The following ASMT variants were observed in gnomAD, a reference collection of about 807,000 sequenced individuals.
ASMT encodes the protein acetylserotonin N-methyltransferase.
In ASMT, 53 loss-of-function variants were observed where a neutral mutation model predicts 41.3. The observed-to-expected ratio is 1.28, with a 90% CI of 1.03 to 1.61. The LOEUF (loss-of-function observed/expected upper bound fraction) is 1.61, where lower values mean the gene tolerates loss of function less well. ASMT is among the 40% of genes most tolerant of loss of function. ASMT has a pLI of 0.00. For missense variants in ASMT, 531 were observed against 441.3 expected, an observed-to-expected ratio of 1.20 and a Z score of -1.82; for synonymous variants, 231 against 184.8, an observed-to-expected ratio of 1.25 and a Z score of -2.03.
intron 8 of ASMT, among the ~76,000 whole-genome samples, chrX:1,636,913 C>CTCTG (rs1556135442): frequency 8.8e-6 from 1 of 113,020 alleles, no homozygotes; most frequent in Non-Finnish European, 2.0e-5. Context: ...GGCACAGCCT[C>CTCTG]TGTGTGTGAT....
intron 3 of ASMT, among the ~76,000 whole-genome samples, chrX:1,625,782 G>T (rs747504531): frequency 4.8e-4 from 72 of 151,276 alleles, no homozygotes; most frequent in African/African-American, 1.6e-3. Flanking sequence ...GTGAAACCCC[G>T]TCTCTATTAA....
At chrX:1,622,368 G>A (rs1401106945) in intron 1 of ASMT, among the ~76,000 whole-genome samples, 3 of 150,372 alleles carry the variant, frequency 2.0e-5, no homozygotes, top group Admixed American at 6.6e-5. Flanking sequence ...TCGGCTCACT[G>A]CAACCTCCGC....
In ASMT at chrX:1,627,775, A is replaced by G; in HGVS notation, c.443+4A>G. The G allele has an allele frequency of 6.2e-7, 1 of 1,613,556 alleles. No individual in the cohort carries two copies. The highest frequency in any genetic ancestry group is 1.1e-5 in the South Asian group (1 of 91,066). The stretch of plus-strand genomic sequence containing the variant: ...AGCTTTTTACGGCCATCTACAGGTA[A>G]CACCCATCACTTTGAAACCAACAAC... On this transcript the variant is annotated splice_donor_region_variant and intron_variant, in intron 4 of 8. Coordinates refer to ENST00000381241, the MANE Select transcript of ASMT (RefSeq NM_001171038.2).
In ASMT at chrX:1,626,418, G is replaced by C. The variant is rs779747904; in HGVS notation, c.375-1285G>C. On this transcript the variant is annotated intron_variant, in intron 3 of 8. Coordinates refer to ENST00000381241, the MANE Select transcript of ASMT (RefSeq NM_001171038.2). ...GGCTGATTGTTTGTGTTTTAGTAGA[G>C]ACGGGGTTTCACCCTGTCTTTGAGG... Among the ~76,000 whole-genome samples the C allele has an allele frequency of 2.6e-4, 39 of 152,000 alleles. 1 individual carries two copies. Among genetic ancestry groups the C allele is most frequent in the African/African-American group, 9.4e-4 (39 of 41,494 alleles).
intron 1 of ASMT, among the ~76,000 whole-genome samples, chrX:1,616,475 C>G (rs1281721036): frequency 2.6e-5 from 4 of 151,284 alleles, no homozygotes; most frequent in African/African-American, 7.3e-5. Context: ...TTAACGGAGA[C>G]AGTGTCCCTT....
rs1307291013 is a variant in ASMT at position 1,619,587 on chromosome X, T to A, written c.70-3552T>A. On this transcript the variant is annotated intron_variant, in intron 1 of 8. Transcript: ENST00000381241. ...ATAATAATAATAATAATAATAATAA[T>A]AAAAAGTCTTTGGGAGCAGAAAAAA... 4.0e-4 allele frequency among the ~76,000 whole-genome samples: 54 copies of A among 136,162 alleles called. 1 individual carries two copies. Among genetic ancestry groups the A allele is most frequent in the South Asian group, 2.7e-3 (12 of 4,448 alleles). The allele number at this position is 136,162 out of a possible 152,430, so 89.3% of individuals were successfully genotyped here. A position where few individuals can be genotyped will look rare whatever the true frequency, so the allele number is the denominator to read the frequency against.
At chrX:1,619,422 G>A (rs1201544556) in intron 1 of ASMT, among the ~76,000 whole-genome samples, 1 of 150,524 alleles carries the variant, frequency 6.6e-6, no homozygotes, top group African/African-American at 2.4e-5. Context: ...TGGGGGCTGG[G>A]GAGGGAGAGC....
chrX:1,642,708 C>A, intron 8 of ASMT, 95 bp from the exon 9 acceptor site: 1 of 1,160,174 alleles, frequency 8.6e-7, no homozygotes, highest in Non-Finnish European at 1.3e-6. Context: ...CCTGACTGTC[C>A]TCTGAGGTCT....
At chrX:1,626,687 G>A (rs1377415945) in intron 3 of ASMT, among the ~76,000 whole-genome samples, 2 of 152,168 alleles carry the variant, frequency 1.3e-5, no homozygotes, top group Non-Finnish European at 2.9e-5. Flanking sequence ...TTTGGGCAAG[G>A]AAGAAAAAGG....
In ASMT at chrX:1,643,005, C is replaced by A; in HGVS notation, c.1113C>A (p.Ala371=). 6.2e-7 allele frequency: 1 copy of A among 1,613,898 alleles called. No homozygotes were observed. Among genetic ancestry groups the A allele is most frequent in the Non-Finnish European group, 8.5e-7 (1 of 1,179,836 alleles). ...KTGAIYDAIL[A]RK ...GAGCCATTTATGATGCCATTTTAGC[C>A]AGGAAATAACTGTTTCTTGTGACCT... Residue 371 remains alanine, a synonymous_variant, in exon 9 of 9, where the codon GCC becomes GCA. Transcript: ENST00000381241.
intron 4 of ASMT, among the ~76,000 whole-genome samples, chrX:1,629,038 C>T (rs36128288): frequency 0.16 from 24,228 of 149,374 alleles, 2,036 homozygotes; most frequent in Middle Eastern, 0.26. Flanking sequence ...CTCCCTCCCT[C>T]CTTTCTTTCT....
chrX:1,616,733 G>C (rs1388945411), intron 1 of ASMT, among the ~76,000 whole-genome samples: 6 of 144,920 alleles, frequency 4.1e-5, no homozygotes, highest in African/African-American at 1.3e-4. Context: ...TTTTGAGACA[G>C]AGTCTCGCTC....
intron 1 of ASMT, among the ~76,000 whole-genome samples, chrX:1,616,419 T>A (rs1424595512): frequency 6.6e-6 from 1 of 151,326 alleles, no homozygotes; most frequent in Non-Finnish European, 1.5e-5. Context: ...AGGTGGAAAG[T>A]GGACTGGTGG....
chrX:1,615,650 A>G, intron 1 of ASMT, among the ~76,000 whole-genome samples: 1 of 151,926 alleles, frequency 6.6e-6, no homozygotes, highest in East Asian at 2.0e-4. Context: ...TAAAAATACA[A>G]AATTAGCCAG....
At chrX:1,626,434 G>C (rs1171009064) in intron 3 of ASMT, among the ~76,000 whole-genome samples, 1 of 151,964 alleles carries the variant, frequency 6.6e-6, no homozygotes, top group Non-Finnish European at 1.5e-5. Flanking sequence ...GTTTCACCCT[G>C]TCTTTGAGGC....
chrX:1,635,604 G>A (rs1456651393), intron 7 of ASMT, among the ~76,000 whole-genome samples: 24 of 151,900 alleles, frequency 1.6e-4, no homozygotes, highest in African/African-American at 2.2e-4. Context: ...GCTCATGCCT[G>A]TAATCCCAGC....
intron 7 of ASMT, chrX:1,636,215 C>A: frequency 3.1e-6 from 2 of 641,480 alleles, no homozygotes; most frequent in East Asian, 6.2e-5. Context: ...CCTCCGCCTC[C>A]CAAAGTGCTA....
intron 1 of ASMT, among the ~76,000 whole-genome samples, chrX:1,615,551 C>A (rs1226377738): frequency 6.6e-6 from 1 of 151,966 alleles, no homozygotes; most frequent in South Asian, 2.1e-4. Context: ...ACCTGTGATC[C>A]CAGCACTTTG....
Position 1,623,211 on chromosome X carries a change from G to A in ASMT, c.142G>A (p.Ala48Thr), listed in dbSNP as rs1463837311. The change falls in exon 2 of 9, where the codon GCA (alanine) becomes ACA (threonine). Residue 48 changes from alanine (A) to threonine (T), a missense_variant. Transcript: ENST00000381241. ...AEAPGPLDVA[A>T]VAAGVRASAH... The stretch of plus-strand genomic sequence containing the variant: ...GGCCCCAGGGCCCCTGGACGTGGCG[G>A]CAGTGGCTGCAGGTGTGAGGGCCAG... 2.5e-6 allele frequency: 4 copies of A among 1,613,412 alleles called. No individual in the cohort carries two copies. Among genetic ancestry groups the A allele is most frequent in the Non-Finnish European group, 3.4e-6 (4 of 1,179,864 alleles).
Sources: gnomAD v4.1 joint callset for allele counts (sites outside exome capture counted in the v4.1 genomes callset) on GRCh38, gnomAD v4.1.1 for gene constraint, MANE v1.5 for transcripts, NCBI Gene and HGNC (gene_info 2026-07-23, HGNC 2026-07-21) for gene names.